Variants in FOXP1 observed in about 807,000 individuals in gnomAD.
FOXP1 encodes forkhead box P1, also known as forkhead box protein P1.
FOXP1 carries 15 observed loss-of-function variants against 98.2 expected under a neutral mutation model. That is an observed-to-expected ratio of 0.15 (90% CI 0.10 to 0.24). The LOEUF (loss-of-function observed/expected upper bound fraction) is 0.24, where lower values mean the gene tolerates loss of function less well. Ranked by LOEUF, FOXP1 falls within the 10% of genes least tolerant of loss-of-function variation. The pLI, the probability that FOXP1 is intolerant of heterozygous loss-of-function variation, is 1.00. For synonymous variants in FOXP1, 371 were observed against 314.5 expected, an observed-to-expected ratio of 1.18 and a Z score of -1.90; for missense variants, 633 against 848.5, an observed-to-expected ratio of 0.75 and a Z score of 3.15.
chr3:71,337,211 A>G (rs1487954815), intron 4 of FOXP1, among the ~76,000 whole-genome samples: 1 of 152,206 alleles, frequency 6.6e-6, no homozygotes, highest in Non-Finnish European at 1.5e-5. Flanking sequence ...GCTAAGTTCA[A>G]TTTCTTGATT....
chr3:71,300,102 G>A (rs2073717806), intron 4 of FOXP1, among the ~76,000 whole-genome samples: 1 of 152,192 alleles, frequency 6.6e-6, no homozygotes, highest in South Asian at 2.1e-4. Context: ...AAAAGTCAAG[G>A]TGAAACATTT....
At chr3:71,358,291 C>T (rs907438626) in intron 4 of FOXP1, among the ~76,000 whole-genome samples, 2 of 151,978 alleles carry the variant, frequency 1.3e-5, no homozygotes, top group Non-Finnish European at 2.9e-5. Flanking sequence ...ATATTTGATA[C>T]TAAAAAGAAA....
At chr3:71,438,111 CT>C (rs1189493576) in intron 3 of FOXP1, among the ~76,000 whole-genome samples, 1 of 152,102 alleles carries the variant, frequency 6.6e-6, no homozygotes, top group Non-Finnish European at 1.5e-5. Flanking sequence ...AATTTATTAC[CT>C]TCAGGAAAAT....
At chr3:71,067,058 G>A (rs947225877) in intron 7 of FOXP1, among the ~76,000 whole-genome samples, 2 of 152,158 alleles carry the variant, frequency 1.3e-5, no homozygotes, top group African/African-American at 2.4e-5. Context: ...GAGGGGTCTG[G>A]GAAGGCCCAC....
At chr3:71,025,636 G>A (rs552225318) in intron 11 of FOXP1, among the ~76,000 whole-genome samples, 1 of 152,086 alleles carries the variant, frequency 6.6e-6, no homozygotes. Flanking sequence ...TTTTTTAAAC[G>A]TAACAAAACA....
intron 4 of FOXP1, among the ~76,000 whole-genome samples, chr3:71,319,355 T>A (rs2075266934): frequency 6.6e-6 from 1 of 152,182 alleles, no homozygotes; most frequent in African/African-American, 2.4e-5. Flanking sequence ...TGCTTTCATT[T>A]GCCTGCTTCT....
At chr3:71,164,283 T>G (rs2061295360) in intron 6 of FOXP1, among the ~76,000 whole-genome samples, 1 of 152,144 alleles carries the variant, frequency 6.6e-6, no homozygotes, top group Non-Finnish European at 1.5e-5. Context: ...CACTGCAAGC[T>G]CCGCCTCCCG....
chr3:71,261,141 ATCAT>A (rs1241702572), intron 5 of FOXP1, among the ~76,000 whole-genome samples: 1 of 152,198 alleles, frequency 6.6e-6, no homozygotes, highest in Non-Finnish European at 1.5e-5. Flanking sequence ...TACACAACCT[ATCAT>A]TTATACCTTT....
At chr3:71,538,754 T>A (rs905157861) in intron 2 of FOXP1, among the ~76,000 whole-genome samples, 1 of 152,352 alleles carries the variant, frequency 6.6e-6, no homozygotes, top group Middle Eastern at 3.4e-3. Flanking sequence ...AAGAAACCAC[T>A]GCCTTATCCA....
intron 2 of FOXP1, among the ~76,000 whole-genome samples, chr3:71,501,698 T>A (rs1168359574): frequency 6.6e-6 from 1 of 152,190 alleles, no homozygotes; most frequent in African/African-American, 2.4e-5. Flanking sequence ...TAGTTGATAG[T>A]ACAGCAAGGT....
At chr3:71,329,944 T>C (rs1488892528) in intron 4 of FOXP1, 2 of 152,144 alleles carry the variant, frequency 1.3e-5, no homozygotes, top group Non-Finnish European at 2.9e-5. Flanking sequence ...TAGTGGCTTG[T>C]GCCTGTAATC....
At chr3:71,513,951 T>C (rs997206681) in intron 2 of FOXP1, among the ~76,000 whole-genome samples, 1 of 152,240 alleles carries the variant, frequency 6.6e-6, no homozygotes, top group Admixed American at 6.5e-5. Context: ...TTTCCATTTC[T>C]AATAAAACTA....
chr3:71,498,658 G>A (rs2041092516), intron 2 of FOXP1, among the ~76,000 whole-genome samples: 1 of 152,100 alleles, frequency 6.6e-6, no homozygotes, highest in African/African-American at 2.4e-5. Flanking sequence ...CTCATCACGG[G>A]CATTTCTGAG....
At chr3:71,049,466 C>T (rs892321185) in intron 9 of FOXP1, among the ~76,000 whole-genome samples, 1 of 151,972 alleles carries the variant, frequency 6.6e-6, no homozygotes, top group South Asian at 2.1e-4. Flanking sequence ...CCTAAGAGCA[C>T]GTATCTTCTT....
At chr3:71,302,511 T>C (rs1033533893) in intron 4 of FOXP1, among the ~76,000 whole-genome samples, 2 of 108,230 alleles carry the variant, frequency 1.8e-5, no homozygotes, top group East Asian at 3.4e-4. Context: ...AAAGCTTTTA[T>C]GTAAAAAAAA....
Position 71,413,283 on chromosome 3 carries a change from CA to C in FOXP1, c.-167-54040del, listed in dbSNP as rs2082933671. Among the ~76,000 whole-genome samples the C allele has an allele frequency of 2.6e-4, 36 of 137,618 alleles. No individual in the cohort carries two copies. The South Asian group carries it at 7.2e-3, about 28-fold the overall frequency. The allele number at this position is 137,618 out of a possible 152,430, so 90.3% of individuals were successfully genotyped here. A position where few individuals can be genotyped will look rare whatever the true frequency, so the allele number is the denominator to read the frequency against. The stretch of plus-strand genomic sequence containing the variant: ...AGACACACACACACACACACACACA[CA>C]CACACACCCAAAACAGCCAACCAGT... On this transcript the variant is annotated intron_variant, in intron 3 of 20. Transcript: ENST00000649528.
At chr3:71,040,027 C>T (rs2048126304) in intron 11 of FOXP1, among the ~76,000 whole-genome samples, 1 of 151,950 alleles carries the variant, frequency 6.6e-6, no homozygotes, top group South Asian at 2.1e-4. Flanking sequence ...TTAGTTAAAA[C>T]ATATGTATTA....
intron 3 of FOXP1, among the ~76,000 whole-genome samples, chr3:71,492,926 A>G (rs1035354573): frequency 6.6e-6 from 1 of 152,194 alleles, no homozygotes; most frequent in East Asian, 1.9e-4. Flanking sequence ...ATACAAAAAA[A>G]TTTCCAGAAG....
chr3:71,181,672 C>T (rs1214955618), intron 6 of FOXP1, among the ~76,000 whole-genome samples: 2 of 152,136 alleles, frequency 1.3e-5, no homozygotes, highest in African/African-American at 4.8e-5. Flanking sequence ...TGTGGACATG[C>T]GACATGATTA....
Sources: allele counts gnomAD v4.1 joint callset (sites outside exome capture counted in the v4.1 genomes callset), GRCh38; gene constraint gnomAD v4.1.1; transcripts MANE v1.5; gene names NCBI Gene and HGNC (gene_info 2026-07-23, HGNC 2026-07-21).